Variants in LANCL2 observed in about 807,000 individuals in gnomAD.
LANCL2 encodes the protein lanC-like protein 2.
Under a neutral mutation model 56.9 loss-of-function variants are expected in LANCL2, and 33 were observed. The ratio of observed to expected loss-of-function variants is 0.58; its 90% confidence interval spans 0.44 to 0.78. LANCL2 has a LOEUF of 0.78. LANCL2 is among the 30% of genes least tolerant of loss of function. LANCL2 has a pLI of 0.00. For missense variants in LANCL2, 562 were observed against 580.2 expected, an observed-to-expected ratio of 0.97 and a Z score of 0.32; for synonymous variants, 233 against 228.2, an observed-to-expected ratio of 1.02 and a Z score of -0.19.
chr7:55,425,334 C>T lies in LANCL2; in HGVS notation c.1089C>T (p.Gly363=), dbSNP rs1180007072. The T allele has an allele frequency of 3.7e-6, 6 of 1,614,008 alleles. No individual in the cohort carries two copies. In the Admixed American group the frequency reaches 5.0e-5, roughly 13 times the overall value. Residue 363 remains glycine (G), a synonymous_variant, in exon 7 of 9, where the codon GGC becomes GGT. Transcript: ENST00000254770. The stretch of plus-strand genomic sequence containing the variant: ...GGCAGCGAGGTTTGCTGCGGAAGGG[C>T]TACGGGATATGCCATGGGACTGCTG... ...VIWQRGLLRK[G]YGICHGTAGN...
rs1790318415 is a variant in LANCL2 at position 55,401,166 on chromosome 7, C to G, written c.679-8C>G. On this transcript the variant is annotated splice_region_variant and splice_polypyrimidine_tract_variant and intron_variant, in intron 4 of 8. Coordinates refer to ENST00000254770, the MANE Select transcript of LANCL2 (RefSeq NM_018697.4). ...TTTTAGATTTATGCTGTCTTGTTAT[C>G]TCTGTAGGTAGTCAATGCTATTATT... 1.2e-6 allele frequency: 2 copies of G among 1,613,162 alleles called. No individual in the cohort carries two copies. The highest frequency in any genetic ancestry group is 1.1e-5 in the South Asian group (1 of 91,052).
chr7:55,410,931 C>G (rs1235802958), intron 5 of LANCL2, among the ~76,000 whole-genome samples: 1 of 113,298 alleles, frequency 8.8e-6, no homozygotes, highest in Admixed American at 1.0e-4. Flanking sequence ...GTGGCACTGT[C>G]ATTCTAAGGA....
intron 1 of LANCL2, among the ~76,000 whole-genome samples, chr7:55,372,587 C>T (rs570698184): frequency 8.5e-5 from 13 of 152,244 alleles, no homozygotes; most frequent in African/African-American, 2.9e-4. Flanking sequence ...ACATTCAGAA[C>T]GGTGCTGAGT....
intron 5 of LANCL2, among the ~76,000 whole-genome samples, chr7:55,406,427 C>G (rs7797601): frequency 6.6e-6 from 1 of 151,966 alleles, no homozygotes; most frequent in Non-Finnish European, 1.5e-5. Context: ...AGTGCAGAGT[C>G]GGCTGAAAGA....
intron 6 of LANCL2, among the ~76,000 whole-genome samples, chr7:55,417,336 A>G (rs1430996441): frequency 2.0e-5 from 3 of 152,046 alleles, no homozygotes; most frequent in Non-Finnish European, 1.5e-5. Flanking sequence ...TTTTGTGGAA[A>G]AGACATTTAT....
intron 1 of LANCL2, among the ~76,000 whole-genome samples, chr7:55,384,524 C>T (rs1790103885): frequency 6.6e-6 from 1 of 151,896 alleles, no homozygotes; most frequent in Admixed American, 6.6e-5. Context: ...TGCACTCCAG[C>T]CTGGACGACA....
chr7:55,398,623 G>A lies in LANCL2; in HGVS notation c.523G>A (p.Val175Ile). The change falls in exon 3 of 9, where the codon GTC becomes ATC. Residue 175 changes from valine (V) to isoleucine (I), a missense_variant. By Grantham distance (29) the Val-to-Ile change is conservative (BLOSUM62 3). This residue lies in a region of LANCL2 where 378 missense variants were observed against 468.4 expected (regional missense o/e 0.81). Coordinates refer to ENST00000254770, the MANE Select transcript of LANCL2 (RefSeq NM_018697.4). ...AAGTGACTGTGAGTCCCAGGAATGT[G>A]TCACAAAGTGAGTTTTAGAACTGGA... Reference protein sequence around the residue: ...LRSDCESQECVTKLLQLQRSV... With the variant: ...LRSDCESQECITKLLQLQRSV... 6.2e-7 allele frequency: 1 copy of A among 1,612,222 alleles called. No homozygotes were observed. The highest frequency in any genetic ancestry group is 8.5e-7 in the Non-Finnish European group (1 of 1,178,900).
In LANCL2 at chr7:55,400,012, C is replaced by T. The variant is rs766026092; in HGVS notation, c.586C>T (p.Leu196=). The change falls in exon 4 of 9, where the codon CTG becomes TTG. Residue 196 remains leucine (L), a synonymous_variant. Transcript: ENST00000254770. ...CCAAGAATCAGACCTTCCTGATGAG[C>T]TGCTTTATGGACGGGCAGGTTATCT... ...VCQESDLPDE[L]LYGRAGYLYA... is the part of the protein sequence containing the mutation. The T allele has an allele frequency of 2.5e-6, 4 of 1,613,822 alleles. No homozygotes were observed. The highest frequency in any genetic ancestry group is 2.5e-6 in the Non-Finnish European group (3 of 1,179,880).
intron 5 of LANCL2, among the ~76,000 whole-genome samples, chr7:55,404,731 A>C (rs973307276): frequency 6.6e-6 from 1 of 151,692 alleles, no homozygotes; most frequent in African/African-American, 2.4e-5. Context: ...CTTCTGCCTT[A>C]GCCTCCTGAG....
rs1025142413 is a variant in LANCL2 at position 55,433,589 on chromosome 7, A to G, written c.*2269A>G. The G allele has an allele frequency of 6.6e-6, 1 of 152,254 alleles. No individual in the cohort carries two copies. The highest frequency in any genetic ancestry group is 6.5e-5 in the Admixed American group (1 of 15,286). 9.4% of individuals were successfully genotyped at this position (152,254 alleles called of 1,614,324 possible). A position where few individuals can be genotyped will look rare whatever the true frequency, so the allele number is the denominator to read the frequency against. On this transcript the variant is annotated 3_prime_UTR_variant, in exon 9 of 9. Transcript: ENST00000254770. ...TTCATTTCTTAGATTTGTATTCACA[A>G]TTGTGTTCTCTAAAATGTGTCTAAA... is the stretch of plus-strand genomic sequence containing the variant.
intron 1 of LANCL2, among the ~76,000 whole-genome samples, chr7:55,374,043 A>G (rs1396557881): frequency 6.6e-6 from 1 of 152,248 alleles, no homozygotes; most frequent in Non-Finnish European, 1.5e-5. Flanking sequence ...CTTTTCACTG[A>G]GAGCTTTCCA....
At chr7:55,409,513 A>G (rs949722273) in intron 5 of LANCL2, among the ~76,000 whole-genome samples, 5 of 151,886 alleles carry the variant, frequency 3.3e-5, no homozygotes, top group Admixed American at 1.3e-4. Flanking sequence ...ATTTCCCTGT[A>G]CTTCATCTCA....
chr7:55,406,338 C>T (rs1454216493), intron 5 of LANCL2, among the ~76,000 whole-genome samples: 1 of 152,216 alleles, frequency 6.6e-6, no homozygotes, highest in Non-Finnish European at 1.5e-5. Flanking sequence ...TCCCTGGTGC[C>T]TTCTCAGGAA....
Position 55,366,224 on chromosome 7 carries a change from G to C in LANCL2, c.199G>C (p.Gly67Arg). The C allele has an allele frequency of 6.6e-7, 1 of 1,509,370 alleles. No homozygotes were observed. The highest frequency in any genetic ancestry group is 8.9e-7 in the Non-Finnish European group (1 of 1,123,470). The allele number at this position is 1,509,370 out of a possible 1,614,324, so 93.5% of individuals were successfully genotyped here. A position where few individuals can be genotyped will look rare whatever the true frequency, so the allele number is the denominator to read the frequency against. ...GCCCGGCCTCCCTTTTCATCAGGAC[G>C]GGAAGGTGAGTCGGCGGCCTGGCCG... ...DEPGLPFHQD[G>R]KIIHNFIRRI... Residue 67 changes from glycine (G) to arginine (R), a missense_variant, in exon 1 of 9, where the codon GGG becomes CGG. Transcript: ENST00000254770.
rs1246579763 is a variant in LANCL2 at position 55,371,479 on chromosome 7, A to G, written c.204+5250A>G. ...GCTCAAGGAATTTTTCCCAGCTCAT[A>G]TGCTGCTGTTTCATTTTAAGAATTG... On this transcript the variant is annotated intron_variant, in intron 1 of 8. Coordinates refer to ENST00000254770, the MANE Select transcript of LANCL2 (RefSeq NM_018697.4). 2.0e-5 allele frequency among the ~76,000 whole-genome samples: 3 copies of G among 152,168 alleles called. 1 individual carries two copies. Among genetic ancestry groups the G allele is most frequent in the Non-Finnish European group, 4.4e-5 (3 of 68,040 alleles).
intron 1 of LANCL2, among the ~76,000 whole-genome samples, chr7:55,389,562 A>T (rs1790162270): frequency 6.6e-6 from 1 of 152,208 alleles, no homozygotes; most frequent in South Asian, 2.1e-4. Flanking sequence ...TTCAGTTTTG[A>T]TACTTATGTT....
chr7:55,379,471 G>T (rs541506388), intron 1 of LANCL2, among the ~76,000 whole-genome samples: 30 of 152,254 alleles, frequency 2.0e-4, no homozygotes, highest in African/African-American at 7.0e-4. Flanking sequence ...GTCTCTTCTG[G>T]GGCTGGATGC....
In LANCL2 at chr7:55,365,940, G is replaced by C. The variant is rs867261086; in HGVS notation, c.-86G>C. 2 of 1,091,050 alleles carry C rather than the reference G, an allele frequency of 1.8e-6. No homozygotes were observed. The highest frequency in any genetic ancestry group is 2.5e-6 in the Non-Finnish European group (2 of 802,918). The allele number at this position is 1,091,050 out of a possible 1,614,324, so 67.6% of individuals were successfully genotyped here. On this transcript the variant is annotated 5_prime_UTR_variant, in exon 1 of 9. Transcript: ENST00000254770. ...TCCTCCTAGAGGACGCTCTCTGCGC[G>C]GGCCCTCGGAGGAGGCGGCGGCGGG...
At chr7:55,401,422 C>G (rs1056812835) in intron 5 of LANCL2, 102 bp downstream of exon 5, 70 of 917,520 alleles carry the variant, frequency 7.6e-5, no homozygotes, top group Admixed American at 4.7e-5. Context: ...AAATACCCTA[C>G]TTTGAATCGC....
Sources: gnomAD v4.1 joint callset for allele counts (sites outside exome capture counted in the v4.1 genomes callset) on GRCh38, gnomAD v4.1.1 for gene constraint, gnomAD v4.1.1 regional missense constraint, MANE v1.5 for transcripts, NCBI Gene and HGNC (gene_info 2026-07-23, HGNC 2026-07-21) for gene names.